Variants in MAP7D2 observed in about 807,000 individuals in gnomAD.
MAP7D2 encodes the protein MAP7 domain-containing protein 2.
MAP7D2 carries 33 observed loss-of-function variants against 63.5 expected under a neutral mutation model. The observed-to-expected ratio is 0.52, with a 90% CI of 0.39 to 0.70. The LOEUF (loss-of-function observed/expected upper bound fraction) is 0.70, where lower values mean the gene tolerates loss of function less well. Among genes scored for constraint, MAP7D2 ranks in the 30% least tolerant of loss-of-function variants. The pLI is 0.00. For synonymous variants in MAP7D2, 224 were observed against 223.7 expected (o/e 1.00, Z -0.01); for missense variants, 626 against 604.0 (o/e 1.04, Z -0.38).
intron 8 of MAP7D2, among the ~76,000 whole-genome samples, chrX:20,040,342 C>T (rs1017357459): frequency 2.8e-4 from 31 of 111,951 alleles, no homozygotes; most frequent in African/African-American, 1.0e-3. Flanking sequence ...CTGGAGAACC[C>T]TGACTAACAC....
At chrX:20,115,468 T>G (rs1168041656) in intron 1 of MAP7D2, among the ~76,000 whole-genome samples, 1 of 111,611 alleles carries the variant, frequency 9.0e-6, no homozygotes, top group African/African-American at 3.3e-5. Context: ...TGGTGGGTAG[T>G]TTCCAGGTTC....
At chrX:20,071,036 G>C (rs753205812) in intron 1 of MAP7D2, among the ~76,000 whole-genome samples, 4 of 112,075 alleles carry the variant, frequency 3.6e-5, no homozygotes, top group African/African-American at 1.3e-4. Flanking sequence ...CAACTGCAAT[G>C]TCCAGAAAAA....
intron 4 of MAP7D2, among the ~76,000 whole-genome samples, chrX:20,053,599 G>A (rs1387287839): frequency 4.5e-5 from 5 of 111,299 alleles, no homozygotes; most frequent in Non-Finnish European, 7.5e-5. Context: ...TTTAACAGGC[G>A]ACCCTGAGTT....
intron 1 of MAP7D2, among the ~76,000 whole-genome samples, chrX:20,096,170 G>C (rs1475175437): frequency 9.6e-6 from 1 of 103,920 alleles, no homozygotes; most frequent in African/African-American, 3.5e-5. Context: ...GCTCATACCT[G>C]TAATCCCAAC....
chrX:20,031,533 G>A (rs4825329), intron 8 of MAP7D2, among the ~76,000 whole-genome samples: 37,162 of 109,145 alleles, frequency 0.34, 7,063 homozygotes, highest in African/African-American at 0.72. Flanking sequence ...AGGAGAGGGC[G>A]AGGCAGGCAG....
chrX:20,009,023 G>GT (rs774176620), intron 16 of MAP7D2, among the ~76,000 whole-genome samples: 1 of 111,501 alleles, frequency 9.0e-6, no homozygotes, highest in Non-Finnish European at 1.9e-5. Flanking sequence ...ATTAAGCCAC[G>GT]TAACTGTCAG....
chrX:20,055,869 G>A (rs1264433479), intron 4 of MAP7D2: 1 of 727,675 alleles, frequency 1.4e-6, no homozygotes, highest in Non-Finnish European at 1.8e-6. Context: ...AGAGGTAAAA[G>A]AAAAAAGTCC....
intron 6 of MAP7D2, among the ~76,000 whole-genome samples, chrX:20,048,726 G>A (rs2148306954): frequency 9.1e-6 from 1 of 109,649 alleles, no homozygotes; most frequent in African/African-American, 3.3e-5. Flanking sequence ...CCAAGAGTTT[G>A]AGACCAGCCT....
intron 9 of MAP7D2, among the ~76,000 whole-genome samples, chrX:20,025,363 C>T (rs1305711286): frequency 8.9e-6 from 1 of 112,191 alleles, no homozygotes; most frequent in East Asian, 2.8e-4. Context: ...GGTGAACTCA[C>T]TGCATCATAG....
chrX:20,008,661 G>A (rs1231966097), intron 16 of MAP7D2, among the ~76,000 whole-genome samples: 2 of 111,877 alleles, frequency 1.8e-5, no homozygotes, highest in African/African-American at 6.5e-5. Flanking sequence ...AATGTCTCAA[G>A]CTTTGTCTTT....
intron 1 of MAP7D2, among the ~76,000 whole-genome samples, chrX:20,099,264 C>A (rs758683218): frequency 4.2e-4 from 46 of 109,467 alleles, no homozygotes; most frequent in Non-Finnish European, 1.3e-4. Context: ...CTCTCTCTCT[C>A]TCTCTCTCAG....
At chrX:20,057,551 T>G (rs898205830) in intron 3 of MAP7D2, among the ~76,000 whole-genome samples, 2 of 111,659 alleles carry the variant, frequency 1.8e-5, no homozygotes, top group Non-Finnish European at 3.8e-5. Flanking sequence ...ATTACCCAAA[T>G]TGTTACTTTC....
chrX:20,016,086 T>C lies in MAP7D2; in HGVS notation c.1644+8A>G, dbSNP rs377419737. The C allele has an allele frequency of 2.4e-5, 29 of 1,203,927 alleles. 1 individual carries two copies. The African/African-American group carries it at 4.9e-4, about 20-fold the overall frequency. Reference sequence around the variant, plus strand: ...CAAGTAAAGTCCATCTGAGGACTCATACAGTACCTGCTTTTCAATCATGGC... The same window carrying C: ...CAAGTAAAGTCCATCTGAGGACTCACACAGTACCTGCTTTTCAATCATGGC... On this transcript the variant is annotated splice_region_variant and intron_variant, in intron 11 of 16. Coordinates refer to ENST00000379643, the MANE Select transcript of MAP7D2 (RefSeq NM_001168465.2).
At chrX:20,116,702 A>C (rs1332101816) in intron 1 of MAP7D2, 48 bp downstream of exon 1, 5 of 1,100,624 alleles carry the variant, frequency 4.5e-6, no homozygotes, top group Middle Eastern at 2.7e-4. Flanking sequence ...CCGCCCCCCC[A>C]CAGGAACCCG....
intron 8 of MAP7D2, among the ~76,000 whole-genome samples, chrX:20,035,221 G>A (rs2074184607): frequency 8.9e-6 from 1 of 111,745 alleles, no homozygotes; most frequent in African/African-American, 3.3e-5. Flanking sequence ...ACAGAGAAGG[G>A]GGTGAATTCA....
At chrX:20,060,734 T>G (rs1218054425) in intron 3 of MAP7D2, among the ~76,000 whole-genome samples, 2 of 110,460 alleles carry the variant, frequency 1.8e-5, no homozygotes, top group African/African-American at 3.3e-5. Flanking sequence ...AGAATGAGTT[T>G]AAGGTCAGGG....
intron 3 of MAP7D2, among the ~76,000 whole-genome samples, chrX:20,060,390 A>G (rs1482637105): frequency 9.5e-6 from 1 of 104,853 alleles, no homozygotes; most frequent in Non-Finnish European, 1.9e-5. Flanking sequence ...ATGTGTGCAG[A>G]AAAGAAAGAA....
rs771695818 is a variant in MAP7D2, at chrX:20,044,449, A to G, written c.794T>C (p.Ile265Thr). 29 of 1,208,714 alleles carry G rather than the reference A, an allele frequency of 2.4e-5. No individual in the cohort carries two copies. The highest frequency in any genetic ancestry group is 2.9e-5 in the Non-Finnish European group (26 of 894,193). Residue 265 changes from isoleucine to threonine, a missense_variant, in exon 7 of 17, where the codon ATT becomes ACT. By Grantham distance (89) the Ile-to-Thr change is moderately conservative (BLOSUM62 -1). Transcript: ENST00000379643. ...PSYKSSPTRN[I>T]EKKKATSTST... is the part of the protein sequence containing the mutation. ...CGTAGATGTAGCTTTCTTCTTCTCA[A>G]TGTTTCGAGTGGGTGAAGACTTGTA... is the stretch of plus-strand genomic sequence containing the variant.
At chrX:20,034,529 T>G (rs2074157579) in intron 8 of MAP7D2, among the ~76,000 whole-genome samples, 1 of 111,270 alleles carries the variant, frequency 9.0e-6, no homozygotes, top group Admixed American at 9.6e-5. Flanking sequence ...GGTGGTGGTA[T>G]TAGGAGGTGG....
Sources: allele counts gnomAD v4.1 joint callset (sites outside exome capture counted in the v4.1 genomes callset), GRCh38; gene constraint gnomAD v4.1.1; transcripts MANE v1.5; gene names NCBI Gene and HGNC (gene_info 2026-07-23, HGNC 2026-07-21).